Variants in PTPRD observed in about 807,000 individuals in gnomAD.
PTPRD encodes the protein receptor-type tyrosine-protein phosphatase delta.
Under a neutral mutation model 214.5 loss-of-function variants are expected in PTPRD, and 34 were observed. The ratio of observed to expected loss-of-function variants is 0.16; its 90% CI spans 0.12 to 0.21. The LOEUF is 0.21. PTPRD is among the 10% of genes least tolerant of loss of function. The probability of loss-of-function intolerance (pLI) is 1.00; values close to 1 mark genes in which losing one functional copy is unlikely to be tolerated. For synonymous variants in PTPRD, 1,128 were observed against 845.7 expected (o/e 1.33, Z -5.79); for missense variants, 2,545 against 2,398.7 (o/e 1.06, Z -1.27).
chr9:10,305,992 G>T (rs1051413877), intron 3 of PTPRD, among the ~76,000 whole-genome samples: 2 of 151,906 alleles, frequency 1.3e-5, no homozygotes, highest in African/African-American at 4.8e-5. Flanking sequence ...TTGCAGTGCT[G>T]TTCCTAGTAG....
At chr9:8,450,374 A>T (rs948921742) in intron 33 of PTPRD, among the ~76,000 whole-genome samples, 2 of 152,212 alleles carry the variant, frequency 1.3e-5, no homozygotes, top group Non-Finnish European at 2.9e-5. Flanking sequence ...ATGCCAAGTT[A>T]TCCTAATGCC....
intron 4 of PTPRD, among the ~76,000 whole-genome samples, chr9:10,007,007 T>C (rs2096491732): frequency 6.6e-6 from 1 of 152,108 alleles, no homozygotes; most frequent in South Asian, 2.1e-4. Context: ...CAAATCCCCA[T>C]GATATACCAA....
At chr9:9,811,893 C>A (rs1425938152) in intron 5 of PTPRD, among the ~76,000 whole-genome samples, 1 of 152,076 alleles carries the variant, frequency 6.6e-6, no homozygotes, top group East Asian at 1.9e-4. Context: ...TTCTATCAAA[C>A]AACATTGTAT....
chr9:8,516,582 T>C (rs1333213002), intron 21 of PTPRD, among the ~76,000 whole-genome samples: 1 of 152,112 alleles, frequency 6.6e-6, no homozygotes, highest in Non-Finnish European at 1.5e-5. Context: ...AGGTACATTA[T>C]CTAGTACTGG....
chr9:10,219,741 A>C (rs1343562533), intron 3 of PTPRD, among the ~76,000 whole-genome samples: 2 of 151,786 alleles, frequency 1.3e-5, no homozygotes, highest in African/African-American at 4.8e-5. Flanking sequence ...ACTAGTAAGA[A>C]CTTAATATCC....
intron 36 of PTPRD, among the ~76,000 whole-genome samples, chr9:8,402,311 A>G (rs2092494825): frequency 2.0e-5 from 3 of 152,216 alleles, no homozygotes; most frequent in African/African-American, 7.2e-5. Flanking sequence ...TAAAACCAGC[A>G]TAGGAACGAA....
intron 2 of PTPRD, among the ~76,000 whole-genome samples, chr9:10,533,218 A>G (rs1393846123): frequency 2.0e-5 from 3 of 152,102 alleles, no homozygotes; most frequent in Non-Finnish European, 2.9e-5. Context: ...TCACCACTCA[A>G]TTGTAAACCT....
chr9:9,190,232 G>C (rs1179887821), intron 9 of PTPRD, among the ~76,000 whole-genome samples: 3 of 151,966 alleles, frequency 2.0e-5, no homozygotes, highest in African/African-American at 7.2e-5. Context: ...GTGAGCTCTT[G>C]ATAAAAGGAT....
intron 27 of PTPRD, among the ~76,000 whole-genome samples, chr9:8,488,835 G>C (rs775861474): frequency 6.6e-6 from 1 of 152,146 alleles, no homozygotes; most frequent in South Asian, 2.1e-4. Context: ...TTTCAACAGA[G>C]AATACAGCCT....
chr9:9,154,988 A>G (rs1229993324), intron 10 of PTPRD, among the ~76,000 whole-genome samples: 1 of 152,156 alleles, frequency 6.6e-6, no homozygotes, highest in Non-Finnish European at 1.5e-5. Context: ...TATGAGATTC[A>G]TAGGTTTTCT....
At chr9:8,397,198 G>A (rs2091396540) in intron 36 of PTPRD, among the ~76,000 whole-genome samples, 1 of 151,928 alleles carries the variant, frequency 6.6e-6, no homozygotes, top group South Asian at 2.1e-4. Flanking sequence ...TCAAGAGCAA[G>A]GTAAAACAAA....
At chr9:9,412,304 G>C (rs2075702858) in intron 8 of PTPRD, among the ~76,000 whole-genome samples, 2 of 152,192 alleles carry the variant, frequency 1.3e-5, no homozygotes, top group East Asian at 3.9e-4. Context: ...AGTGTAATAT[G>C]ATACCACACT....
At chr9:8,396,743 GC>G (rs1272821981) in intron 36 of PTPRD, among the ~76,000 whole-genome samples, 1 of 152,092 alleles carries the variant, frequency 6.6e-6, no homozygotes, top group East Asian at 1.9e-4. Flanking sequence ...AACAGCACTT[GC>G]TTGGCTACAT....
intron 7 of PTPRD, among the ~76,000 whole-genome samples, chr9:9,711,807 C>G (rs981966486): frequency 6.6e-6 from 1 of 152,164 alleles, no homozygotes; most frequent in African/African-American, 2.4e-5. Flanking sequence ...GCCTTTCAAA[C>G]AGCTCTCTTA....
intron 2 of PTPRD, among the ~76,000 whole-genome samples, chr9:10,598,692 G>GTC (rs758313849): frequency 9.7e-6 from 1 of 102,614 alleles, no homozygotes; most frequent in East Asian, 3.6e-4. Context: ...GTGTGTGTGT[G>GTC]TGTGTGTGTG....
At chr9:8,749,687 A>G (rs2093321489) in intron 11 of PTPRD, among the ~76,000 whole-genome samples, 1 of 152,238 alleles carries the variant, frequency 6.6e-6, no homozygotes, top group African/African-American at 2.4e-5. Context: ...AAAGTAGAAT[A>G]ACTTTACACA....
intron 16 of PTPRD, 65 bp from the exon 17 acceptor site, chr9:8,526,709 G>A: frequency 1.5e-6 from 2 of 1,318,002 alleles, no homozygotes; most frequent in Non-Finnish European, 1.1e-6. Context: ...GAAGAAGGAG[G>A]CTAGGGCTGG....
At chr9:9,481,657 T>C (rs147295623) in intron 8 of PTPRD, among the ~76,000 whole-genome samples, 1 of 152,260 alleles carries the variant, frequency 6.6e-6, no homozygotes, top group Non-Finnish European at 1.5e-5. Context: ...GTATTTTTTT[T>C]AATGAAGAAA....
chr9:10,081,798 CA>C (rs2098242614), intron 3 of PTPRD, among the ~76,000 whole-genome samples: 1 of 151,910 alleles, frequency 6.6e-6, no homozygotes, highest in African/African-American at 2.4e-5. Flanking sequence ...CTAAATCCAC[CA>C]ATTTTATTCG....
Sources: gnomAD v4.1 joint callset for allele counts (sites outside exome capture counted in the v4.1 genomes callset) on GRCh38, gnomAD v4.1.1 for gene constraint, MANE v1.5 for transcripts, NCBI Gene and HGNC (gene_info 2026-07-23, HGNC 2026-07-21) for gene names.